Variants in KDM4A observed in about 807,000 individuals in gnomAD.
KDM4A encodes the protein lysine-specific demethylase 4A.
KDM4A carries 23 observed loss-of-function variants against 127.1 expected under a neutral mutation model. The observed-to-expected ratio is 0.18, with a 90% CI of 0.13 to 0.26. KDM4A has a LOEUF of 0.26. Among genes scored for constraint, KDM4A ranks in the 10% least tolerant of loss-of-function variants. KDM4A has a pLI of 1.00. For synonymous variants in KDM4A, 443 were observed against 466.5 expected, an observed-to-expected ratio of 0.95 and a Z score of 0.65; for missense variants, 890 against 1,329.1, an observed-to-expected ratio of 0.67 and a Z score of 5.14.
rs553654077 is a variant in KDM4A at position 43,669,575 on chromosome 1, C to T, written c.1363+276C>T. The stretch of plus-strand genomic sequence containing the variant: ...ACAAGGTAAGTAGGACCTTCCCAGG[C>T]GGACAGAGAGAGAGGAGGGATGTAG... On this transcript the variant is annotated intron_variant, in intron 10 of 21. Transcript: ENST00000372396. 2.0e-5 allele frequency among the ~76,000 whole-genome samples: 3 copies of T among 150,792 alleles called. No individual in the cohort carries two copies. The South Asian group carries it at 6.3e-4, about 32-fold the overall frequency.
chr1:43,669,164 A>G lies in KDM4A; in HGVS notation c.1228A>G (p.Ser410Gly). 6.2e-7 allele frequency: 1 copy of G among 1,614,208 alleles called. No individual in the cohort carries two copies. The highest frequency in any genetic ancestry group is 1.1e-5 in the South Asian group (1 of 91,088). ...TTGTCTTGAAATACCACAGGAGGTG[A>G]GTCAGAGTGAGCTCTTCCCCAAGGA... is the stretch of plus-strand genomic sequence containing the variant. ...RVCLEIPQEV[S>G]QSELFPKEDL... is the part of the protein sequence containing the mutation. Residue 410 changes from serine to glycine, a missense_variant, in exon 10 of 22, where the codon AGT (serine) becomes GGT (glycine). Ser to Gly is a moderately conservative substitution (Grantham distance 56). This residue lies in a region of KDM4A where 389 missense variants were observed against 485.9 expected (regional missense o/e 0.80). Transcript: ENST00000372396.
intron 11 of KDM4A, among the ~76,000 whole-genome samples, chr1:43,680,493 A>C (rs1660832639): frequency 6.6e-6 from 1 of 152,202 alleles, no homozygotes; most frequent in African/African-American, 2.4e-5. Context: ...ATAACAAGGT[A>C]CCACAAACAC....
chr1:43,660,553 T>C, intron 4 of KDM4A, 141 bp downstream of exon 4: 1 of 1,266,504 alleles, frequency 7.9e-7, no homozygotes, highest in Non-Finnish European at 1.1e-6. Context: ...CTGATGTTGC[T>C]GTGCTGGCCT....
At position 43,694,914 on chromosome 1, in the gene KDM4A, T is replaced by G. The variant is rs1334807913; in HGVS notation, c.2670+20T>G. 9.5e-6 allele frequency: 15 copies of G among 1,582,104 alleles called. No homozygotes were observed. The highest frequency in any genetic ancestry group is 1.3e-5 in the African/African-American group (1 of 74,248). On this transcript the variant is annotated intron_variant, in intron 18 of 21. Coordinates refer to ENST00000372396, the MANE Select transcript of KDM4A (RefSeq NM_014663.3). The surrounding 1 kb of genome is among the most constrained non-coding windows in gnomAD (Gnocchi z 5.2). The stretch of plus-strand genomic sequence containing the variant: ...TTGGAGGTGAGAGAGGGTGTCATTC[T>G]AGAATCCTCTTGACAGTTTTCATGG...
chr1:43,665,417 AGTAATATTATGTACC>A (rs1473770554), intron 5 of KDM4A, among the ~76,000 whole-genome samples: 1 of 151,768 alleles, frequency 6.6e-6, no homozygotes. Flanking sequence ...TATAAAGGAG[AGTAATATTATGTACC>A]GTAAATCCTG....
intron 9 of KDM4A, among the ~76,000 whole-genome samples, chr1:43,668,364 A>G (rs1660546600): frequency 6.6e-6 from 1 of 152,094 alleles, no homozygotes; most frequent in Non-Finnish European, 1.5e-5. Context: ...TGACCTCGTG[A>G]TCCGCCCACC....
chr1:43,697,740 T>C lies in KDM4A; in HGVS notation c.2671-103T>C, dbSNP rs1352464182. 4 of 1,136,578 alleles carry C rather than the reference T, an allele frequency of 3.5e-6. No homozygotes were observed. In the African/African-American group the frequency reaches 4.7e-5, roughly 13 times the overall value. 70.4% of individuals were successfully genotyped at this position (1,136,578 alleles called of 1,614,324 possible). ...TCTCCTTTTTACTTTTACTTTCCCA[T>C]GCTTATCTTTCCCTGATAAGGAGGA... On this transcript the variant is annotated intron_variant, in intron 18 of 21. Coordinates refer to ENST00000372396, the MANE Select transcript of KDM4A (RefSeq NM_014663.3).
chr1:43,702,510 CCT>C (rs900404528), intron 19 of KDM4A: 2 of 151,972 alleles, frequency 1.3e-5, no homozygotes, highest in African/African-American at 4.8e-5. Flanking sequence ...CTGCCCTGCC[CCT>C]CTCTCATTTT....
intron 3 of KDM4A, among the ~76,000 whole-genome samples, 171 bp downstream of exon 3, chr1:43,655,937 A>G (rs1660226928): frequency 6.6e-6 from 1 of 152,036 alleles, no homozygotes; most frequent in Non-Finnish European, 1.5e-5. Context: ...TCCTCTCAGG[A>G]CTGTGTCCCA....
chr1:43,703,492 C>T, intron 19 of KDM4A, 125 bp from the exon 20 acceptor site: 2 of 1,212,810 alleles, frequency 1.6e-6, no homozygotes, highest in Middle Eastern at 3.0e-4. Context: ...TTTTTCAGCC[C>T]AGAGAGCTGC....
chr1:43,700,743 A>G (rs1007837255), intron 19 of KDM4A, among the ~76,000 whole-genome samples: 2 of 151,984 alleles, frequency 1.3e-5, no homozygotes, highest in Non-Finnish European at 2.9e-5. Context: ...AGTTAGTTGC[A>G]GTGTGGAATC....
chr1:43,664,488 A>G (rs549395766), intron 5 of KDM4A, among the ~76,000 whole-genome samples: 1 of 152,204 alleles, frequency 6.6e-6, no homozygotes, highest in East Asian at 1.9e-4. Context: ...AAACGATGAG[A>G]AGTGAGTGAT....
Position 43,697,846 on chromosome 1 carries a change from G to A in KDM4A, c.2674G>A (p.Ala892Thr). The A allele has an allele frequency of 6.2e-7, 1 of 1,608,224 alleles. No individual in the cohort carries two copies. Among genetic ancestry groups the A allele is most frequent in the Non-Finnish European group, 8.5e-7 (1 of 1,178,186 alleles). ...FRHKIPNLERAKGALQSITAG... is the reference protein window; with the variant it reads ...FRHKIPNLERTKGALQSITAG... ...CAAAGCCTCTGTTTTTTTCCAGCGT[G>A]CCAAGGGGGCCTTGCAAAGCATCAC... is the stretch of plus-strand genomic sequence containing the variant. The change falls in exon 19 of 22, where the codon GCC becomes ACC. Residue 892 changes from alanine (A) to threonine (T), a missense_variant. By Grantham distance (58) the Ala-to-Thr change is moderately conservative (BLOSUM62 0). Around this residue, in one of 7 missense-constraint regions of KDM4A, gnomAD observed 246 missense variants for 418.4 expected, o/e 0.59. Transcript: ENST00000372396.
intron 13 of KDM4A, among the ~76,000 whole-genome samples, chr1:43,690,146 G>C (rs918627537): frequency 6.6e-6 from 1 of 152,230 alleles, no homozygotes; most frequent in Non-Finnish European, 1.5e-5. Flanking sequence ...AATCACACAG[G>C]TGGGGCTCCA....
chr1:43,670,435 C>T (rs1380717091), intron 10 of KDM4A, among the ~76,000 whole-genome samples: 2 of 152,126 alleles, frequency 1.3e-5, no homozygotes, highest in South Asian at 2.1e-4. Context: ...CGGGGTCTTA[C>T]TGTGTTGCCC....
In KDM4A at chr1:43,694,063, G is replaced by A. The variant is rs751378577; in HGVS notation, c.2445G>A (p.Pro815=). ...TTGTCAACATTGCAGAAAGAAGTCC[G>A]GTGGATGTGAGCAAAATCCCCCTGC... ...ARFVNIAERS[P]VDVSKIPLPR... The change falls in exon 17 of 22, where the codon CCG becomes CCA. Residue 815 remains proline (P), a synonymous_variant. Transcript: ENST00000372396. The surrounding 1 kb of genome is among the most constrained non-coding windows in gnomAD (Gnocchi z 5.2). 6.2e-6 allele frequency: 10 copies of A among 1,614,120 alleles called. No homozygotes were observed. The highest frequency in any genetic ancestry group is 4.5e-5 in the East Asian group (2 of 44,906).
chr1:43,667,227 AC>A, intron 8 of KDM4A, 136 bp downstream of exon 8: 1 of 948,484 alleles, frequency 1.1e-6, no homozygotes, highest in South Asian at 1.6e-5. Context: ...GTGTCAGAGT[AC>A]TAACATTTTG....
At chr1:43,673,726 C>T (rs1323684705) in intron 11 of KDM4A, among the ~76,000 whole-genome samples, 2 of 152,132 alleles carry the variant, frequency 1.3e-5, no homozygotes, top group Non-Finnish European at 2.9e-5. Context: ...AGGGCTTTTT[C>T]AGCCTGGAAA....
intron 4 of KDM4A, among the ~76,000 whole-genome samples, chr1:43,660,660 TC>T (rs1224492182): frequency 6.6e-6 from 1 of 152,198 alleles, no homozygotes; most frequent in African/African-American, 2.4e-5. Flanking sequence ...GTTAGCATAG[TC>T]GGTGGGTGGT....
Sources: allele counts gnomAD v4.1 joint callset (sites outside exome capture counted in the v4.1 genomes callset), GRCh38; gene constraint gnomAD v4.1.1; regional missense constraint gnomAD v4.1.1; non-coding constraint Gnocchi (gnomAD v3.1); transcripts MANE v1.5; gene names NCBI Gene and HGNC (gene_info 2026-07-23, HGNC 2026-07-21).